Variants in ZNF605 observed in about 807,000 individuals in gnomAD.
ZNF605 encodes zinc finger protein 605.
In ZNF605, 9 loss-of-function variants were observed where a neutral mutation model predicts 7.9. The ratio of observed to expected loss-of-function variants is 1.14; its 90% CI spans 0.68 to 1.98. ZNF605 has a LOEUF of 1.98. Among genes scored for constraint, ZNF605 ranks in the 30% most tolerant of loss-of-function variants. The pLI, the probability that ZNF605 is intolerant of heterozygous loss-of-function variation, is 0.00. For synonymous variants in ZNF605, 255 were observed against 260.1 expected (o/e 0.98, Z 0.19); for missense variants, 673 against 762.4 (o/e 0.88, Z 1.38).
Position 132,945,724 on chromosome 12 carries a change from G to T in ZNF605, c.-89C>A. On this transcript the variant is annotated 5_prime_UTR_variant, in exon 3 of 5. Transcript: ENST00000360187. ...GCCTCTGGTCAGTGGTCTGTAAACT[G>T]AGAATACATCCTTGGTCTTGTGGGC... The T allele has an allele frequency of 6.3e-7, 1 of 1,577,104 alleles. No homozygotes were observed. Among genetic ancestry groups the T allele is most frequent in the Non-Finnish European group, 8.7e-7 (1 of 1,146,214 alleles).
chr12:132,923,298 C>A lies in ZNF605; in HGVS notation c.*2075G>T, dbSNP rs1952219485. 6.6e-6 allele frequency: 1 copy of A among 152,172 alleles called. No individual in the cohort carries two copies. Among genetic ancestry groups the A allele is most frequent in the Non-Finnish European group, 1.5e-5 (1 of 68,030 alleles). The allele number at this position is 152,172 out of a possible 1,614,324, so 9.4% of individuals were successfully genotyped here. A position where few individuals can be genotyped will look rare whatever the true frequency, so the allele number is the denominator to read the frequency against. On this transcript the variant is annotated 3_prime_UTR_variant, in exon 5 of 5. Coordinates refer to ENST00000360187, the MANE Select transcript of ZNF605 (RefSeq NM_183238.4). ...ATTTTCAGAACTTCATTCCTTTGTA[C>A]AGACCCAAACTTAAGTTTTGTATTA...
chr12:132,954,046 G>A (rs906055069), intron 1 of ZNF605, among the ~76,000 whole-genome samples: 1 of 151,714 alleles, frequency 6.6e-6, no homozygotes, highest in African/African-American at 2.4e-5. Flanking sequence ...CAATAAAACT[G>A]TCCCCCATTC....
chr12:132,944,822 A>C lies in ZNF605; in HGVS notation c.15+799T>G, dbSNP rs866172745. ...ATTTTCTTTATGTGTAATTATCGGA[A>C]GTATTTGCTTCTCCAGAGTAATTTG... On this transcript the variant is annotated intron_variant, in intron 3 of 4. Transcript: ENST00000360187. The C allele has an allele frequency of 7.0e-3, 1,080 of 153,392 alleles. 16 individuals carry two copies. Among genetic ancestry groups the C allele is most frequent in the African/African-American group, 0.025 (1,049 of 41,576 alleles). The allele number at this position is 153,392 out of a possible 1,614,324, so 9.5% of individuals were successfully genotyped here.
chr12:132,949,261 C>T (rs12311191), intron 1 of ZNF605, among the ~76,000 whole-genome samples: 25,013 of 152,088 alleles, frequency 0.16, 2,351 homozygotes, highest in South Asian at 0.25. Context: ...AGCTACTCTC[C>T]GATAAGTTAA....
At chr12:132,946,106 C>G (rs986009322) in intron 2 of ZNF605, among the ~76,000 whole-genome samples, 1 of 152,190 alleles carries the variant, frequency 6.6e-6, no homozygotes, top group Non-Finnish European at 1.5e-5. Context: ...AGGAGCACCA[C>G]TACCCTAGAC....
In ZNF605 at chr12:132,921,138, ATT is replaced by A. The variant is rs1239387142; in HGVS notation, c.*4233_*4234del. ...CACTGCACCCAGCCTCTCATGGCTA[ATT>A]AAATTTTTTTTTTGTAGAGATGAGT... On this transcript the variant is annotated 3_prime_UTR_variant, in exon 5 of 5. Coordinates refer to ENST00000360187, the MANE Select transcript of ZNF605 (RefSeq NM_183238.4). 4.8e-5 allele frequency: 7 copies of A among 146,080 alleles called. No individual in the cohort carries two copies. The highest frequency in any genetic ancestry group is 1.4e-4 in the Admixed American group (2 of 14,704). 9.0% of individuals were successfully genotyped at this position (146,080 alleles called of 1,614,324 possible).
At chr12:132,935,904 A>G (rs1369545414) in intron 3 of ZNF605, among the ~76,000 whole-genome samples, 1 of 125,764 alleles carries the variant, frequency 8.0e-6, no homozygotes, top group African/African-American at 3.1e-5. Context: ...AAAAAAAAAA[A>G]AAAAAAATTA....
intron 3 of ZNF605, among the ~76,000 whole-genome samples, chr12:132,938,279 C>G (rs1286525234): frequency 2.0e-5 from 3 of 151,768 alleles, no homozygotes; most frequent in Non-Finnish European, 4.4e-5. Context: ...TGTGCCAGGC[C>G]GATCCCATTT....
chr12:132,934,879 T>A (rs1952347564), intron 3 of ZNF605, among the ~76,000 whole-genome samples: 1 of 152,154 alleles, frequency 6.6e-6, no homozygotes, highest in Non-Finnish European at 1.5e-5. Context: ...ACACTGGATT[T>A]AACAACACTG....
intron 3 of ZNF605, chr12:132,945,298 C>T (rs1952484697): frequency 3.3e-6 from 3 of 902,452 alleles, no homozygotes; most frequent in African/African-American, 3.3e-5. Context: ...CTACTTTGTG[C>T]TTCTTTGGAC....
rs1453265856 is a variant in ZNF605 at position 132,941,374 on chromosome 12, G to A, written c.15+4247C>T. Among the ~76,000 whole-genome samples the A allele has an allele frequency of 3.9e-5, 6 of 152,222 alleles. No individual in the cohort carries two copies. Among genetic ancestry groups the A allele is most frequent in the African/African-American group, 9.6e-5 (4 of 41,542 alleles). Reference sequence around the variant, plus strand: ...CAGGTCAATCGGCCATGACATTCTCGGCAGGTAGATCAATGTTTCGCTGTT... The same window carrying A: ...CAGGTCAATCGGCCATGACATTCTCAGCAGGTAGATCAATGTTTCGCTGTT... On this transcript the variant is annotated intron_variant, in intron 3 of 4. Transcript: ENST00000360187. This position sits in a 1 kb window ranked among gnomAD's most constrained non-coding sequence, Gnocchi z 5.1.
chr12:132,947,017 T>G (rs201868716), intron 2 of ZNF605, among the ~76,000 whole-genome samples: 35,686 of 64,478 alleles, frequency 0.55, 4,776 homozygotes, highest in African/African-American at 0.6. Context: ...TGTTTTTTTT[T>G]GGTTTTTTTT....
intron 3 of ZNF605, among the ~76,000 whole-genome samples, chr12:132,935,217 A>C (rs1952352244): frequency 6.6e-6 from 1 of 152,214 alleles, no homozygotes; most frequent in Non-Finnish European, 1.5e-5. Context: ...AATAAGCCCA[A>C]GCATAGGGGA....
intron 1 of ZNF605, among the ~76,000 whole-genome samples, chr12:132,950,807 A>C (rs1457258233): frequency 6.6e-6 from 1 of 151,974 alleles, no homozygotes; most frequent in Non-Finnish European, 1.5e-5. Flanking sequence ...TACATCATAC[A>C]CAGAGACATG....
At chr12:132,945,556 A>G in intron 3 of ZNF605, 65 bp downstream of exon 3, 1 of 612,916 alleles carries the variant, frequency 1.6e-6, no homozygotes, top group Non-Finnish European at 2.9e-6. Context: ...GAAACAGAGG[A>G]TAAACCGATA....
chr12:132,919,920 C>T lies in ZNF605; in HGVS notation c.*5453G>A. On this transcript the variant is annotated 3_prime_UTR_variant, in exon 5 of 5. Transcript: ENST00000360187. ...GCAGTGGTGTGATCTCAGCTCACTG[C>T]AACATCGGCTTCCTGGGTTCAAGCG... 6.6e-6 allele frequency: 1 copy of T among 152,162 alleles called. No individual in the cohort carries two copies. The highest frequency in any genetic ancestry group is 1.5e-5 in the Non-Finnish European group (1 of 68,156). The allele number at this position is 152,162 out of a possible 1,614,324, so 9.4% of individuals were successfully genotyped here.
rs1276150677 is a variant in ZNF605, at chr12:132,926,410, T to C, written c.889A>G (p.Ile297Val). Residue 297 changes from isoleucine to valine, a missense_variant, in exon 5 of 5, where the codon ATC (isoleucine) becomes GTC (valine). By Grantham distance (29) the Ile-to-Val change is conservative (BLOSUM62 3). Coordinates refer to ENST00000360187, the MANE Select transcript of ZNF605 (RefSeq NM_183238.4). The part of the protein sequence containing the change: ...GKAFSQKLKL[I>V]THQRAHTGEK... Reference sequence around the variant, plus strand: ...CCTGTGTGCGCTCTCTGATGTGTGATGAGTTTTAATTTCTGGGAGAATGCT... The same window carrying C: ...CCTGTGTGCGCTCTCTGATGTGTGACGAGTTTTAATTTCTGGGAGAATGCT... 9.9e-6 allele frequency: 16 copies of C among 1,613,816 alleles called. No homozygotes were observed. The highest frequency in any genetic ancestry group is 1.3e-5 in the Non-Finnish European group (15 of 1,179,718).
At chr12:132,939,424 A>G (rs1476161507) in intron 3 of ZNF605, among the ~76,000 whole-genome samples, 3 of 152,154 alleles carry the variant, frequency 2.0e-5, no homozygotes, top group African/African-American at 7.2e-5. Flanking sequence ...CAAGGTTTGT[A>G]AACACACCAA....
intron 1 of ZNF605, among the ~76,000 whole-genome samples, chr12:132,955,342 G>A (rs1341578765): frequency 6.6e-6 from 1 of 152,200 alleles, no homozygotes; most frequent in Non-Finnish European, 1.5e-5. Flanking sequence ...GCGAGGCTGC[G>A]TGTTGGCTCA....
Sources: gnomAD v4.1 joint callset for allele counts (sites outside exome capture counted in the v4.1 genomes callset) on GRCh38, gnomAD v4.1.1 for gene constraint, Gnocchi (gnomAD v3.1) non-coding constraint, MANE v1.5 for transcripts, NCBI Gene and HGNC (gene_info 2026-07-23, HGNC 2026-07-21) for gene names.